Variants in ADAMTS6 observed in about 807,000 individuals in gnomAD.
ADAMTS6 encodes A disintegrin and metalloproteinase with thrombospondin motifs 6.
In ADAMTS6, 23 loss-of-function variants were observed where a neutral mutation model predicts 144.3. That is an observed-to-expected ratio of 0.16 (90% CI 0.11 to 0.23). The LOEUF is 0.23. Ranked by LOEUF, ADAMTS6 falls within the 10% of genes least tolerant of loss-of-function variation. ADAMTS6 has a pLI of 1.00. For missense variants in ADAMTS6, 999 were observed against 1,379.6 expected (o/e 0.72, Z 4.37); for synonymous variants, 444 against 457.5 (o/e 0.97, Z 0.38).
chr5:65,268,416 C>T (rs1260723579), intron 12 of ADAMTS6, among the ~76,000 whole-genome samples: 2 of 152,114 alleles, frequency 1.3e-5, no homozygotes, highest in Admixed American at 6.5e-5. Flanking sequence ...TTTACTATTT[C>T]GTCAATTATG....
At chr5:65,322,410 A>G (rs1445860866) in intron 9 of ADAMTS6, among the ~76,000 whole-genome samples, 3 of 152,342 alleles carry the variant, frequency 2.0e-5, no homozygotes, top group Admixed American at 6.5e-5. Context: ...TCTGTGAAGA[A>G]TATCAATGGT....
chr5:65,363,494 A>T (rs983810985), intron 7 of ADAMTS6, among the ~76,000 whole-genome samples: 1 of 152,142 alleles, frequency 6.6e-6, no homozygotes, highest in Non-Finnish European at 1.5e-5. Context: ...AAATTTGAAA[A>T]ATCTTTACCT....
chr5:65,398,817 A>G (rs532388310), intron 7 of ADAMTS6, among the ~76,000 whole-genome samples: 2 of 133,144 alleles, frequency 1.5e-5, no homozygotes, highest in African/African-American at 7.3e-5. Context: ...AGAAAGAAAG[A>G]AAGAAAGAAA....
chr5:65,354,378 T>C (rs1749130354), intron 7 of ADAMTS6, among the ~76,000 whole-genome samples: 1 of 151,724 alleles, frequency 6.6e-6, no homozygotes, highest in South Asian at 2.1e-4. Context: ...ATGGCTACTA[T>C]AGCTCCTTAT....
chr5:65,365,646 CAA>C (rs779896418), intron 7 of ADAMTS6, among the ~76,000 whole-genome samples: 27 of 91,938 alleles, frequency 2.9e-4, no homozygotes, highest in Admixed American at 6.7e-4. Context: ...GACTCTGTTT[CAA>C]AAAAAAAAAA....
intron 7 of ADAMTS6, among the ~76,000 whole-genome samples, chr5:65,407,895 C>A (rs920455970): frequency 1.3e-5 from 2 of 152,118 alleles, no homozygotes; most frequent in African/African-American, 2.4e-5. Context: ...TCCAGCCAAA[C>A]TAAGCTTCAT....
intron 10 of ADAMTS6, among the ~76,000 whole-genome samples, chr5:65,298,683 G>C (rs1356992096): frequency 6.6e-6 from 1 of 151,896 alleles, no homozygotes; most frequent in Non-Finnish European, 1.5e-5. Context: ...AAAATTATTA[G>C]GTTATAATAT....
Position 65,341,567 on chromosome 5 carries a change from C to A in ADAMTS6, c.1074-7482G>T, listed in dbSNP as rs1346396994. On this transcript the variant is annotated intron_variant, in intron 7 of 24. Coordinates refer to ENST00000381055, the MANE Select transcript of ADAMTS6 (RefSeq NM_197941.4). Reference sequence around the variant, plus strand: ...AAGGGTCATTAGAGACTACTATGAACAACTATATTCCAATAAATGTGAAAA... The same window carrying A: ...AAGGGTCATTAGAGACTACTATGAAAAACTATATTCCAATAAATGTGAAAA... Among the ~76,000 whole-genome samples the A allele has an allele frequency of 5.9e-5, 9 of 152,060 alleles. No individual in the cohort carries two copies. The East Asian group carries it at 1.7e-3, about 29-fold the overall frequency.
chr5:65,217,846 T>C (rs1252169207), intron 18 of ADAMTS6, among the ~76,000 whole-genome samples: 1 of 152,350 alleles, frequency 6.6e-6, no homozygotes, highest in Non-Finnish European at 1.5e-5. Flanking sequence ...CTCACTTTCA[T>C]GCTGAAATAA....
chr5:65,252,599 C>T (rs980493705), intron 14 of ADAMTS6, among the ~76,000 whole-genome samples: 7 of 150,760 alleles, frequency 4.6e-5, no homozygotes, highest in Non-Finnish European at 8.9e-5. Flanking sequence ...CTCTGATCTT[C>T]TAATTTATTA....
intron 15 of ADAMTS6, among the ~76,000 whole-genome samples, chr5:65,238,596 T>C (rs1758888572): frequency 6.8e-6 from 1 of 147,644 alleles, no homozygotes; most frequent in Non-Finnish European, 1.5e-5. Flanking sequence ...CCAGACCCTG[T>C]CTCAAAAAAA....
At chr5:65,296,638 GAAATGT>G (rs1411635669) in intron 10 of ADAMTS6, among the ~76,000 whole-genome samples, 1 of 152,106 alleles carries the variant, frequency 6.6e-6, no homozygotes. Context: ...TGCTAGAGAG[GAAATGT>G]AAGTGCTTTG....
chr5:65,259,867 T>G (rs1048084290), intron 14 of ADAMTS6, among the ~76,000 whole-genome samples: 1 of 152,138 alleles, frequency 6.6e-6, no homozygotes, highest in Non-Finnish European at 1.5e-5. Context: ...CATGAAAATG[T>G]TAACAGTCTA....
chr5:65,405,598 C>A (rs1304901056), intron 7 of ADAMTS6, among the ~76,000 whole-genome samples: 1 of 152,156 alleles, frequency 6.6e-6, no homozygotes, highest in Non-Finnish European at 1.5e-5. Flanking sequence ...CAGCTTTGTT[C>A]TTTTGGCTTA....
intron 9 of ADAMTS6, among the ~76,000 whole-genome samples, chr5:65,321,323 A>G (rs1325137272): frequency 6.6e-6 from 1 of 151,366 alleles, no homozygotes; most frequent in East Asian, 1.9e-4. Context: ...TTTTTTTCAT[A>G]TATGTATGTA....
chr5:65,275,392 AAAGAAAGAAAGAAAGAAAGAAAGAAAAG>A (rs1198584953), intron 11 of ADAMTS6, among the ~76,000 whole-genome samples: 127 of 147,294 alleles, frequency 8.6e-4, no homozygotes, highest in African/African-American at 3.0e-3. Context: ...AGAAAGAAAG[AAAGAAAGAAAGAAAGAAAGAAAGAAAAG>A]AAAGAAAGAA....
Position 65,470,815 on chromosome 5 carries a change from C to G in ADAMTS6, c.425G>C (p.Ser142Thr), listed in dbSNP as rs1024642208. Reference sequence around the variant, plus strand: ...GTTGCTTAAAGCCACTTTAGTTGTACTACGTTGATCTTGCAAATATCCTGT... The same window carrying G: ...GTTGCTTAAAGCCACTTTAGTTGTAGTACGTTGATCTTGCAAATATCCTGT... The part of the protein sequence containing the change: ...HYTGYLQDQR[S>T]TTKVALSNCV... The change falls in exon 3 of 25, where the codon AGT becomes ACT. Residue 142 changes from serine to threonine, a missense_variant. Physicochemically the swap from Ser to Thr is moderately conservative, Grantham distance 58. Around this residue, in one of 3 missense-constraint regions of ADAMTS6, gnomAD observed 252 missense variants for 293.7 expected, o/e 0.86. Coordinates refer to ENST00000381055, the MANE Select transcript of ADAMTS6 (RefSeq NM_197941.4). 6.2e-7 allele frequency: 1 copy of G among 1,606,168 alleles called. No homozygotes were observed. Among genetic ancestry groups the G allele is most frequent in the East Asian group, 2.2e-5 (1 of 44,630 alleles).
intron 7 of ADAMTS6, among the ~76,000 whole-genome samples, chr5:65,344,359 T>G (rs1748124501): frequency 6.6e-6 from 1 of 151,974 alleles, no homozygotes; most frequent in African/African-American, 2.4e-5. Flanking sequence ...GTTACATATT[T>G]ATTTACAATA....
chr5:65,210,749 A>C (rs1756469366), intron 20 of ADAMTS6: 1 of 640,848 alleles, frequency 1.6e-6, no homozygotes, highest in Non-Finnish European at 2.9e-6. Context: ...TACATGTGCT[A>C]CTTAATGGAG....
Sources: gnomAD v4.1 joint callset for allele counts (sites outside exome capture counted in the v4.1 genomes callset) on GRCh38, gnomAD v4.1.1 for gene constraint, gnomAD v4.1.1 regional missense constraint, MANE v1.5 for transcripts, NCBI Gene and HGNC (gene_info 2026-07-23, HGNC 2026-07-21) for gene names.